The following SAMM50 variants were observed in gnomAD, a reference collection of about 807,000 sequenced individuals.
SAMM50 encodes SAMM50 sorting and assembly machinery component.
Under a neutral mutation model 66.9 loss-of-function variants are expected in SAMM50, and 47 were observed. The ratio of observed to expected loss-of-function variants is 0.70; its 90% confidence interval spans 0.56 to 0.90. The LOEUF (loss-of-function observed/expected upper bound fraction) is 0.90. Among genes scored for constraint, SAMM50 ranks in the 40% least tolerant of loss-of-function variants. The probability of loss-of-function intolerance (pLI) is 0.00; values close to 1 mark genes in which losing one functional copy is unlikely to be tolerated. For synonymous variants in SAMM50, 191 were observed against 214.1 expected (o/e 0.89, Z 0.94); for missense variants, 535 against 595.3 (o/e 0.90, Z 1.05).
rs1332796193 is a variant in SAMM50, at chr22:43,972,950, C to T, written c.509C>T (p.Thr170Ile). The T allele has an allele frequency of 1.2e-6, 2 of 1,600,686 alleles. No homozygotes were observed. The highest frequency in any genetic ancestry group is 3.6e-5 in the Admixed American group (2 of 55,884). Reference protein sequence around the residue: ...TFQFSYGTKETSYGLSFFKPR... With the variant: ...TFQFSYGTKEISYGLSFFKPR... ...CAGTTTTCCTATGGAACAAAAGAAA[C>T]TTCGTATGGCCTGTCCTTCTTCAAA... is the stretch of plus-strand genomic sequence containing the variant. Residue 170 changes from threonine (T) to isoleucine (I), a missense_variant, in exon 6 of 15, where the codon ACT becomes ATT. By Grantham distance (89) the Thr-to-Ile change is moderately conservative. Transcript: ENST00000350028.
intron 14 of SAMM50, 118 bp from the exon 15 acceptor site, chr22:43,996,220 G>A (rs1240837809): frequency 1.2e-5 from 13 of 1,097,520 alleles, no homozygotes; most frequent in Admixed American, 1.7e-5. Flanking sequence ...AGGCAGGAAG[G>A]CAGCAGGAGG....
In SAMM50 at chr22:43,955,594, C is replaced by T; in HGVS notation, c.17C>T (p.Ala6Val). 1.3e-6 allele frequency: 2 copies of T among 1,598,552 alleles called. No homozygotes were observed. The highest frequency in any genetic ancestry group is 1.3e-5 in the African/African-American group (1 of 74,860). The part of the protein sequence containing the change: MGTVH[A>V]RSLEPLPSSG... ...GAGGGAACCATGGGGACTGTGCACG[C>T]CCGGGTAAGAGGCCCAGCGACCCGC... Residue 6 changes from alanine to valine, a missense_variant, in exon 1 of 15, where the codon GCC becomes GTC. Physicochemically the swap from Ala to Val is moderately conservative, Grantham distance 64. Transcript: ENST00000350028.
chr22:43,969,531 G>C (rs574145314), intron 4 of SAMM50, among the ~76,000 whole-genome samples: 2 of 152,176 alleles, frequency 1.3e-5, no homozygotes, highest in Non-Finnish European at 2.9e-5. Context: ...ACCAGTAAGT[G>C]ATGGCAGCAC....
chr22:43,984,014 C>A lies in SAMM50; in HGVS notation c.1075+14C>A. 2 of 1,605,546 alleles carry A rather than the reference C, an allele frequency of 1.2e-6. No homozygotes were observed. Among genetic ancestry groups the A allele is most frequent in the Non-Finnish European group, 1.7e-6 (2 of 1,176,384 alleles). On this transcript the variant is annotated intron_variant, in intron 12 of 14. Coordinates refer to ENST00000350028, the MANE Select transcript of SAMM50 (RefSeq NM_015380.5). ...CACAGAGCGAAGGTCTGTCCTTTCC[C>A]CTCACGGCGCCAAGTCTAGAAGGCT...
rs1329939846 is a variant in SAMM50 at position 43,989,141 on chromosome 22, C to T, written c.1106C>T (p.Ala369Val). The T allele has an allele frequency of 6.2e-7, 1 of 1,614,112 alleles. No individual in the cohort carries two copies. Among genetic ancestry groups the T allele is most frequent in the South Asian group, 1.1e-5 (1 of 91,076 alleles). ...GDYLGGEAYW[A>V]GGLHLYTPLP... ...TACCTAGGTGGAGAAGCGTACTGGG[C>T]CGGCGGCCTGCACCTCTACACCCCA... Residue 369 changes from alanine (A) to valine (V), a missense_variant, in exon 13 of 15, where the codon GCC becomes GTC. Physicochemically the swap from Ala to Val is moderately conservative, Grantham distance 64. Transcript: ENST00000350028.
intron 1 of SAMM50, among the ~76,000 whole-genome samples, chr22:43,961,753 A>G (rs2050148138): frequency 6.6e-6 from 1 of 151,902 alleles, no homozygotes; most frequent in Non-Finnish European, 1.5e-5. Context: ...TGCCTGGCCT[A>G]TTATTTTAAA....
At chr22:43,960,386 C>T (rs2050141770) in intron 1 of SAMM50, among the ~76,000 whole-genome samples, 1 of 152,078 alleles carries the variant, frequency 6.6e-6, no homozygotes, top group Non-Finnish European at 1.5e-5. Context: ...CGTTCATTCC[C>T]CATTCCACAA....
chr22:43,978,250 T>G (rs922810081), intron 10 of SAMM50, among the ~76,000 whole-genome samples: 20 of 151,700 alleles, frequency 1.3e-4, no homozygotes, highest in African/African-American at 4.4e-4. Flanking sequence ...GAGACCATCC[T>G]GGCTAACACG....
At chr22:43,987,460 A>G (rs1323166167) in intron 12 of SAMM50, 2 of 152,372 alleles carry the variant, frequency 1.3e-5, no homozygotes, top group African/African-American at 4.8e-5. Flanking sequence ...AAAGCTTGGA[A>G]GCAGGTGAAG....
chr22:43,955,784 G>A (rs1399011466), intron 1 of SAMM50, among the ~76,000 whole-genome samples, 186 bp downstream of exon 1: 1 of 152,264 alleles, frequency 6.6e-6, no homozygotes, highest in Non-Finnish European at 1.5e-5. Flanking sequence ...AGACCTTCGA[G>A]CAGGAACCTG....
chr22:43,971,322 C>T (rs141557802), intron 4 of SAMM50, among the ~76,000 whole-genome samples: 228 of 152,312 alleles, frequency 1.5e-3, no homozygotes, highest in African/African-American at 5.2e-3. Flanking sequence ...AGGCAGGAGT[C>T]GCCTTTCCTT....
chr22:43,965,784 C>T (rs760342607), intron 3 of SAMM50, among the ~76,000 whole-genome samples: 3 of 151,922 alleles, frequency 2.0e-5, no homozygotes, highest in Non-Finnish European at 2.9e-5. Context: ...CAGTACATAC[C>T]AGTCTGTTGG....
intron 10 of SAMM50, among the ~76,000 whole-genome samples, chr22:43,979,204 T>C (rs1002400273): frequency 2.0e-5 from 3 of 152,202 alleles, no homozygotes; most frequent in Admixed American, 6.5e-5. Context: ...CCACCCTGCT[T>C]CTCTCTGGGA....
intron 12 of SAMM50, chr22:43,988,813 C>T (rs751912188): frequency 7.6e-6 from 2 of 262,850 alleles, no homozygotes; most frequent in East Asian, 1.4e-4. Context: ...TCATGAGACT[C>T]ATTTCTTCAA....
chr22:43,975,399 C>T (rs1458285493), intron 7 of SAMM50: 2 of 152,350 alleles, frequency 1.3e-5, no homozygotes, highest in Non-Finnish European at 2.9e-5. Context: ...AGTTAAATCA[C>T]TGTCCTACCA....
In SAMM50 at chr22:43,977,913, A is replaced by T. The variant is rs1321116921; in HGVS notation, c.891A>T (p.Lys297Asn). 2 of 1,613,356 alleles carry T rather than the reference A, an allele frequency of 1.2e-6. No individual in the cohort carries two copies. Among genetic ancestry groups the T allele is most frequent in the African/African-American group, 1.3e-5 (1 of 74,936 alleles). The change falls in exon 10 of 15, where the codon AAA becomes AAT. Residue 297 changes from lysine (K) to asparagine (N), a missense_variant. Transcript: ENST00000350028. ...GYTGGDVSFI[K>N]EDFELQLNKQ... ...CTGGCGGGGATGTGAGCTTCATCAA[A>T]GAAGATTTTGAACTTCAGTTGAACA...
chr22:43,956,869 A>T (rs1221342310), intron 1 of SAMM50, among the ~76,000 whole-genome samples: 2 of 152,236 alleles, frequency 1.3e-5, no homozygotes, highest in Non-Finnish European at 2.9e-5. Flanking sequence ...AAGCCTTATG[A>T]TTCTAATTTT....
At chr22:43,959,602 C>G (rs923372108) in intron 1 of SAMM50, among the ~76,000 whole-genome samples, 1 of 151,824 alleles carries the variant, frequency 6.6e-6, no homozygotes, top group Non-Finnish European at 1.5e-5. Context: ...CTCCTGGGCT[C>G]AAGTGATCCT....
intron 12 of SAMM50, among the ~76,000 whole-genome samples, chr22:43,984,439 A>G (rs1340500672): frequency 6.6e-6 from 1 of 150,954 alleles, no homozygotes; most frequent in Non-Finnish European, 1.5e-5. Context: ...CAGCCTCCCA[A>G]GTAGCTGGGA....
Sources: allele counts gnomAD v4.1 joint callset (sites outside exome capture counted in the v4.1 genomes callset), GRCh38; gene constraint gnomAD v4.1.1; transcripts MANE v1.5; gene names NCBI Gene and HGNC (gene_info 2026-07-23, HGNC 2026-07-21).